ST8SIA4: variants seen among roughly 807,000 people sequenced by gnomAD.
The protein encoded by ST8SIA4 is ST8 alpha-N-acetyl-neuraminide alpha-2,8-sialyltransferase 4.
A neutral mutation model predicts 33.9 loss-of-function variants in ST8SIA4; 15 were observed. The ratio of observed to expected loss-of-function variants is 0.44; its 90% CI spans 0.30 to 0.68. ST8SIA4 has a LOEUF of 0.68. ST8SIA4 is among the 30% of genes least tolerant of loss of function. The pLI is 0.10. For synonymous variants in ST8SIA4, 171 were observed against 151.2 expected, an observed-to-expected ratio of 1.13 and a Z score of -0.96; for missense variants, 321 against 428.0, an observed-to-expected ratio of 0.75 and a Z score of 2.21.
chr5:100,818,519 T>C (rs1355038505), intron 4 of ST8SIA4, among the ~76,000 whole-genome samples: 2 of 152,222 alleles, frequency 1.3e-5, no homozygotes, highest in African/African-American at 2.4e-5. Flanking sequence ...AATGACATTG[T>C]ACCAAAGGGT....
rs557632735 is a variant in ST8SIA4 at position 100,808,487 on chromosome 5, A to G, written c.*3360T>C. The G allele has an allele frequency of 6.5e-6, 1 of 152,700 alleles. No individual in the cohort carries two copies. The highest frequency in any genetic ancestry group is 1.9e-4 in the East Asian group (1 of 5,190). 9.5% of individuals were successfully genotyped at this position (152,700 alleles called of 1,614,324 possible). On this transcript the variant is annotated 3_prime_UTR_variant, in exon 5 of 5. Coordinates refer to ENST00000231461, the MANE Select transcript of ST8SIA4 (RefSeq NM_005668.6). ...GCACAGGCTGAATAATAATGATGAA[A>G]ATGTTTCCATGGTCTATTCATGTCA...
chr5:100,842,454 C>T (rs1751489321), intron 4 of ST8SIA4, among the ~76,000 whole-genome samples: 1 of 151,648 alleles, frequency 6.6e-6, no homozygotes, highest in Non-Finnish European at 1.5e-5. Context: ...AAAACAAAAA[C>T]AAAAGTTGAC....
intron 2 of ST8SIA4, among the ~76,000 whole-genome samples, chr5:100,893,231 C>T (rs1159150356): frequency 9.9e-5 from 15 of 151,996 alleles, no homozygotes; most frequent in Admixed American, 9.8e-4. Context: ...CAGATATTTT[C>T]ATATTCTAAA....
intron 4 of ST8SIA4, among the ~76,000 whole-genome samples, chr5:100,855,670 T>C (rs1446082390): frequency 6.6e-6 from 1 of 152,192 alleles, no homozygotes; most frequent in African/African-American, 2.4e-5. Flanking sequence ...GCCAGCCTCC[T>C]TTCTCACTAC....
At chr5:100,895,871 G>T (rs2112483093) in intron 1 of ST8SIA4, 86 bp from the exon 2 acceptor site, 1 of 1,388,076 alleles carries the variant, frequency 7.2e-7, no homozygotes. Flanking sequence ...TTAATTACTG[G>T]TGATGAATTT....
At chr5:100,881,131 T>C (rs1018885573) in intron 3 of ST8SIA4, among the ~76,000 whole-genome samples, 1 of 152,210 alleles carries the variant, frequency 6.6e-6, no homozygotes, top group Non-Finnish European at 1.5e-5. Context: ...CTGAAGTAGG[T>C]TGTAGATTTA....
In ST8SIA4 at chr5:100,807,740, G is replaced by A. The variant is rs1299162186; in HGVS notation, c.*4107C>T. 1 of 152,506 alleles carries A rather than the reference G, an allele frequency of 6.6e-6. No homozygotes were observed. Among genetic ancestry groups the A allele is most frequent in the Non-Finnish European group, 1.5e-5 (1 of 67,960 alleles). 9.4% of individuals were successfully genotyped at this position (152,506 alleles called of 1,614,324 possible). ...ACTTATCTCCAGGGGAGTTCACAGT[G>A]CAGACCCTGAAGATGTTAGCATAAC... On this transcript the variant is annotated 3_prime_UTR_variant, in exon 5 of 5. Transcript: ENST00000231461.
At chr5:100,850,783 GTA>G (rs768091551) in intron 4 of ST8SIA4, among the ~76,000 whole-genome samples, 45 of 123,420 alleles carry the variant, frequency 3.6e-4, no homozygotes, top group East Asian at 5.3e-4. Flanking sequence ...GTGTAGATGT[GTA>G]TATATATATA....
At chr5:100,893,595 T>A (rs761267118) in intron 2 of ST8SIA4, among the ~76,000 whole-genome samples, 2 of 152,046 alleles carry the variant, frequency 1.3e-5, no homozygotes, top group Non-Finnish European at 2.9e-5. Flanking sequence ...TACCCTTCAC[T>A]TGAATATGTT....
At chr5:100,815,420 TCTTCCTTCCTTC>T (rs536259994) in intron 4 of ST8SIA4, among the ~76,000 whole-genome samples, 1 of 151,358 alleles carries the variant, frequency 6.6e-6, no homozygotes, top group South Asian at 2.1e-4. Flanking sequence ...ATCCTTCCTT[TCTTCCTTCCTTC>T]CTTCCTTCCT....
At chr5:100,876,558 T>G (rs1752311547) in intron 3 of ST8SIA4, among the ~76,000 whole-genome samples, 1 of 152,080 alleles carries the variant, frequency 6.6e-6, no homozygotes, top group South Asian at 2.1e-4. Flanking sequence ...CTTCCTTTGT[T>G]TTTCTATCTT....
At chr5:100,825,777 C>T (rs1751129377) in intron 4 of ST8SIA4, among the ~76,000 whole-genome samples, 1 of 152,122 alleles carries the variant, frequency 6.6e-6, no homozygotes, top group South Asian at 2.1e-4. Flanking sequence ...TAATTAAGGT[C>T]TGTCTTAGGT....
chr5:100,860,453 CT>C (rs1361330543), intron 3 of ST8SIA4, among the ~76,000 whole-genome samples: 4 of 152,284 alleles, frequency 2.6e-5, no homozygotes, highest in African/African-American at 9.6e-5. Flanking sequence ...CAAAAAAAAT[CT>C]GTTAGCTGTC....
chr5:100,847,838 C>T (rs763922611), intron 4 of ST8SIA4, among the ~76,000 whole-genome samples: 17 of 151,970 alleles, frequency 1.1e-4, no homozygotes, highest in Non-Finnish European at 2.5e-4. Context: ...AAAGTACGGG[C>T]ACAGGTAGTT....
At chr5:100,834,545 C>G (rs1349166789) in intron 4 of ST8SIA4, among the ~76,000 whole-genome samples, 2 of 152,058 alleles carry the variant, frequency 1.3e-5, no homozygotes, top group African/African-American at 4.8e-5. Context: ...GTTGTCACTA[C>G]TGATCAAATT....
At chr5:100,831,945 T>C (rs1350617563) in intron 4 of ST8SIA4, among the ~76,000 whole-genome samples, 1 of 152,118 alleles carries the variant, frequency 6.6e-6, no homozygotes, top group African/African-American at 2.4e-5. Context: ...AATACTTGAG[T>C]ATACTCCCAG....
At chr5:100,901,231 AC>A (rs1323714362) in intron 1 of ST8SIA4, among the ~76,000 whole-genome samples, 1 of 151,604 alleles carries the variant, frequency 6.6e-6, no homozygotes, top group African/African-American at 2.4e-5. Flanking sequence ...GTATCTGGCG[AC>A]CCTCTTCTCA....
chr5:100,870,485 G>A (rs758374767), intron 3 of ST8SIA4, among the ~76,000 whole-genome samples: 36 of 152,092 alleles, frequency 2.4e-4, no homozygotes, highest in African/African-American at 5.8e-4. Context: ...TGCATTTTAC[G>A]AGAGTGCCAA....
intron 4 of ST8SIA4, 101 bp downstream of exon 4, chr5:100,856,002 C>A: frequency 9.5e-7 from 1 of 1,051,062 alleles, no homozygotes; most frequent in Non-Finnish European, 1.4e-6. Context: ...AACATATATC[C>A]ATTTGGAGAT....
Sources: gnomAD v4.1 joint callset for allele counts (sites outside exome capture counted in the v4.1 genomes callset) on GRCh38, gnomAD v4.1.1 for gene constraint, MANE v1.5 for transcripts, NCBI Gene and HGNC (gene_info 2026-07-23, HGNC 2026-07-21) for gene names.